Variants in ZBTB7C observed in about 807,000 individuals in gnomAD.
The protein encoded by ZBTB7C is zinc finger and BTB domain-containing protein 7C.
A neutral mutation model predicts 25.7 loss-of-function variants in ZBTB7C; 8 were observed. That is an observed-to-expected ratio of 0.31 (90% CI 0.18 to 0.56). The LOEUF (loss-of-function observed/expected upper bound fraction) is 0.56. ZBTB7C is among the 20% of genes least tolerant of loss of function. The pLI is 0.91. For synonymous variants in ZBTB7C, 394 were observed against 369.0 expected (o/e 1.07, Z -0.78); for missense variants, 824 against 855.2 (o/e 0.96, Z 0.46).
intron 3 of ZBTB7C, among the ~76,000 whole-genome samples, chr18:48,154,790 T>C (rs936620411): frequency 3.9e-5 from 6 of 152,200 alleles, no homozygotes; most frequent in Non-Finnish European, 8.8e-5. Flanking sequence ...AAGTCTCACC[T>C]GCAAGTGCCC....
chr18:48,395,714 G>A (rs997317314), intron 1 of ZBTB7C, among the ~76,000 whole-genome samples: 1 of 152,120 alleles, frequency 6.6e-6, no homozygotes, highest in African/African-American at 2.4e-5. Flanking sequence ...GTCCTTTTGT[G>A]GTGAAACTAC....
At chr18:48,348,614 C>T (rs576229521) in intron 1 of ZBTB7C, among the ~76,000 whole-genome samples, 150 of 152,314 alleles carry the variant, frequency 9.8e-4, no homozygotes, top group Admixed American at 1.6e-3. Context: ...GTCAGGACTT[C>T]GAGACCAGCC....
At chr18:48,359,212 C>T (rs989240106) in intron 1 of ZBTB7C, among the ~76,000 whole-genome samples, 6 of 152,168 alleles carry the variant, frequency 3.9e-5, no homozygotes, top group South Asian at 2.1e-4. Flanking sequence ...TGAACTCACA[C>T]GCACAGCCAC....
At chr18:48,240,413 G>A (rs1479170300) in intron 2 of ZBTB7C, among the ~76,000 whole-genome samples, 1 of 152,116 alleles carries the variant, frequency 6.6e-6, no homozygotes, top group East Asian at 1.9e-4. Context: ...CTAAAGTCAG[G>A]ATGAAGAAAA....
intron 3 of ZBTB7C, among the ~76,000 whole-genome samples, chr18:48,152,672 G>A (rs2040715069): frequency 6.6e-6 from 1 of 152,214 alleles, no homozygotes; most frequent in South Asian, 2.1e-4. Context: ...GATGATCAGA[G>A]GCAAAGATAA....
intron 2 of ZBTB7C, among the ~76,000 whole-genome samples, chr18:48,196,032 T>C (rs1276853968): frequency 2.6e-5 from 4 of 152,212 alleles, no homozygotes; most frequent in Non-Finnish European, 5.9e-5. Context: ...GGTGGACATC[T>C]TGGACAGCAG....
chr18:48,189,175 G>A (rs2042134744), intron 2 of ZBTB7C, among the ~76,000 whole-genome samples: 1 of 152,200 alleles, frequency 6.6e-6, no homozygotes, highest in South Asian at 2.1e-4. Flanking sequence ...ACTGCTGGCT[G>A]CAGAGCCCTG....
At chr18:48,181,839 G>A (rs1489563636) in intron 3 of ZBTB7C, among the ~76,000 whole-genome samples, 2 of 152,198 alleles carry the variant, frequency 1.3e-5, no homozygotes, top group African/African-American at 4.8e-5. Flanking sequence ...TGTTAGATGT[G>A]TCTACTAAAA....
Position 48,287,731 on chromosome 18 carries a change from T to C in ZBTB7C, c.-79+50443A>G, listed in dbSNP as rs369847035. Among the ~76,000 whole-genome samples the C allele has an allele frequency of 3.3e-5, 5 of 152,316 alleles. No individual in the cohort carries two copies. The East Asian group carries it at 5.8e-4, about 18-fold the overall frequency. On this transcript the variant is annotated intron_variant, in intron 2 of 4. Coordinates refer to ENST00000590800, the MANE Select transcript of ZBTB7C (RefSeq NM_001318841.2). ...ACCATTATCAGGTTGAATTTTTCTA[T>C]GGAATTGGAAAAAAATGGCTTAACA...
intron 3 of ZBTB7C, among the ~76,000 whole-genome samples, chr18:48,161,351 A>C (rs1224159685): frequency 1.3e-5 from 2 of 149,896 alleles, no homozygotes; most frequent in East Asian, 4.1e-4. Flanking sequence ...TGGAAGAGCC[A>C]GCTCAGAGAG....
intron 2 of ZBTB7C, among the ~76,000 whole-genome samples, chr18:48,244,489 G>A (rs920972614): frequency 1.3e-5 from 2 of 152,110 alleles, no homozygotes; most frequent in Non-Finnish European, 2.9e-5. Context: ...GAAATAATCA[G>A]AAGAGTAAAC....
At chr18:48,119,741 T>G (rs1476595638) in intron 3 of ZBTB7C, among the ~76,000 whole-genome samples, 1 of 152,180 alleles carries the variant, frequency 6.6e-6, no homozygotes, top group Non-Finnish European at 1.5e-5. Context: ...GGGTCTCCCC[T>G]GAGCTCCAGG....
At chr18:48,065,586 G>A (rs1598811545) in intron 3 of ZBTB7C, among the ~76,000 whole-genome samples, 1 of 152,210 alleles carries the variant, frequency 6.6e-6, no homozygotes. Flanking sequence ...CAAAGGAATT[G>A]GAGGGCTCTC....
chr18:48,300,170 C>T (rs1281915967), intron 2 of ZBTB7C, among the ~76,000 whole-genome samples: 1 of 152,144 alleles, frequency 6.6e-6, no homozygotes, highest in Non-Finnish European at 1.5e-5. Flanking sequence ...TGCCTGAGCC[C>T]CACCCAGGTC....
At position 48,310,661 on chromosome 18, in the gene ZBTB7C, G is replaced by A. The variant is rs114792973; in HGVS notation, c.-79+27513C>T. On this transcript the variant is annotated intron_variant, in intron 2 of 4. Coordinates refer to ENST00000590800, the MANE Select transcript of ZBTB7C (RefSeq NM_001318841.2). ...CAGGCCTGGAAAGGCAAACTGCTTC[G>A]CTGGATTTTTGTTCAGAACACATTT... is the stretch of plus-strand genomic sequence containing the variant. Among the ~76,000 whole-genome samples the A allele has an allele frequency of 8.5e-3, 1,300 of 152,302 alleles. 13 individuals are homozygous for A. Among genetic ancestry groups the A allele is most frequent in the African/African-American group, 0.028 (1,158 of 41,538 alleles).
chr18:48,240,758 CT>C (rs955685660), intron 2 of ZBTB7C, among the ~76,000 whole-genome samples: 4 of 152,134 alleles, frequency 2.6e-5, no homozygotes, highest in African/African-American at 7.2e-5. Flanking sequence ...AAGCATAAAT[CT>C]CAGGGTCTAT....
rs138895802 is a variant in ZBTB7C, at chr18:48,074,885, C to T, written c.-16-33762G>A. ...CCAGCTCTCCTGCTGTCCAGGTCCT[C>T]TCCATTCAGTGATGTTTTTGTGATG... On this transcript the variant is annotated intron_variant, in intron 3 of 4. Coordinates refer to ENST00000590800, the MANE Select transcript of ZBTB7C (RefSeq NM_001318841.2). Among the ~76,000 whole-genome samples the T allele has an allele frequency of 2.9e-3, 448 of 152,332 alleles. 4 individuals carry two copies. In the South Asian group the frequency reaches 0.033, roughly 11 times the overall value.
chr18:48,349,393 A>G (rs2046812597), intron 1 of ZBTB7C, among the ~76,000 whole-genome samples: 1 of 152,212 alleles, frequency 6.6e-6, no homozygotes, highest in Non-Finnish European at 1.5e-5. Flanking sequence ...TAGCACCACC[A>G]GATGCAAACT....
At chr18:48,106,579 G>T (rs372167430) in intron 3 of ZBTB7C, among the ~76,000 whole-genome samples, 9 of 152,246 alleles carry the variant, frequency 5.9e-5, no homozygotes, top group South Asian at 2.1e-4. Context: ...AACTTGAGGG[G>T]TGCTGTATTT....
Sources: allele counts gnomAD v4.1 joint callset (sites outside exome capture counted in the v4.1 genomes callset), GRCh38; gene constraint gnomAD v4.1.1; transcripts MANE v1.5; gene names NCBI Gene and HGNC (gene_info 2026-07-23, HGNC 2026-07-21).